SORCS3: variants seen among roughly 807,000 people sequenced by gnomAD.
SORCS3 encodes the protein sortilin related VPS10 domain containing receptor 3.
Under a neutral mutation model 146.3 loss-of-function variants are expected in SORCS3, and 57 were observed. That is an observed-to-expected ratio of 0.39 (90% CI 0.31 to 0.49). The LOEUF (loss-of-function observed/expected upper bound fraction) is 0.49. Ranked by LOEUF, SORCS3 falls within the 20% of genes least tolerant of loss-of-function variation. The pLI is 0.92. For missense variants in SORCS3, 1,341 were observed against 1,575.5 expected, an observed-to-expected ratio of 0.85 and a Z score of 2.52; for synonymous variants, 653 against 618.5, an observed-to-expected ratio of 1.06 and a Z score of -0.83.
intron 20 of SORCS3, among the ~76,000 whole-genome samples, chr10:105,238,508 T>C (rs1053474208): frequency 6.6e-6 from 1 of 152,004 alleles, no homozygotes; most frequent in African/African-American, 2.4e-5. Flanking sequence ...GAGAGGGATT[T>C]TTGTGTGGAG....
At chr10:104,845,537 G>A (rs182052185) in intron 2 of SORCS3, among the ~76,000 whole-genome samples, 130 of 152,310 alleles carry the variant, frequency 8.5e-4, no homozygotes, top group African/African-American at 2.5e-3. Flanking sequence ...TGTTTGGATA[G>A]CATTTTCATT....
intron 1 of SORCS3, among the ~76,000 whole-genome samples, chr10:104,676,196 A>G (rs1006182426): frequency 3.4e-4 from 52 of 152,054 alleles, no homozygotes; most frequent in African/African-American, 1.1e-3. Flanking sequence ...TATACCTTTT[A>G]TTTCATTTTC....
chr10:104,779,733 T>TC (rs2017351278), intron 1 of SORCS3, among the ~76,000 whole-genome samples: 1 of 152,084 alleles, frequency 6.6e-6, no homozygotes, highest in East Asian at 1.9e-4. Context: ...CTGCTGCTGA[T>TC]CAACATATTC....
At chr10:104,682,400 C>T (rs1394850639) in intron 1 of SORCS3, among the ~76,000 whole-genome samples, 2 of 152,224 alleles carry the variant, frequency 1.3e-5, no homozygotes, top group African/African-American at 4.8e-5. Context: ...GGCTTTGGCT[C>T]CCTTTCCTGT....
intron 1 of SORCS3, 95 bp downstream of exon 1, chr10:104,642,049 G>A (rs555918789): frequency 1.2e-5 from 16 of 1,383,638 alleles, no homozygotes; most frequent in Non-Finnish European, 1.5e-5. Flanking sequence ...TTGCTCGGGG[G>A]TCGAGGCGGG....
chr10:104,793,950 T>C (rs1004204247), intron 1 of SORCS3, among the ~76,000 whole-genome samples: 1 of 152,118 alleles, frequency 6.6e-6, no homozygotes, highest in Non-Finnish European at 1.5e-5. Context: ...TAAAATGGAA[T>C]TTCGGGAATG....
chr10:105,004,121 G>C (rs1373609563), intron 4 of SORCS3, among the ~76,000 whole-genome samples: 1 of 151,808 alleles, frequency 6.6e-6, no homozygotes, highest in Non-Finnish European at 1.5e-5. Flanking sequence ...ACTGTGGGTG[G>C]CTATAAAATC....
At chr10:105,102,536 A>G (rs1337896109) in intron 6 of SORCS3, among the ~76,000 whole-genome samples, 1 of 152,178 alleles carries the variant, frequency 6.6e-6, no homozygotes, top group African/African-American at 2.4e-5. Context: ...TTTTGAGGGA[A>G]GAGGTTGGGA....
intron 8 of SORCS3, among the ~76,000 whole-genome samples, chr10:105,147,065 G>A (rs535320739): frequency 6.6e-6 from 1 of 151,996 alleles, no homozygotes; most frequent in Non-Finnish European, 1.5e-5. Flanking sequence ...ATATTACACA[G>A]AATTCCACTG....
intron 4 of SORCS3, among the ~76,000 whole-genome samples, chr10:105,017,163 A>G (rs1444193920): frequency 6.6e-6 from 1 of 150,860 alleles, no homozygotes; most frequent in East Asian, 1.9e-4. Context: ...TTTTTGAGGG[A>G]ACCGTCTGCT....
chr10:104,749,358 G>A (rs2016956721), intron 1 of SORCS3, among the ~76,000 whole-genome samples: 1 of 151,918 alleles, frequency 6.6e-6, no homozygotes, highest in Admixed American at 6.6e-5. Flanking sequence ...CTTTGAACAT[G>A]ATTGTGACTT....
chr10:105,073,862 C>T (rs2055572883), intron 5 of SORCS3, among the ~76,000 whole-genome samples: 1 of 152,074 alleles, frequency 6.6e-6, no homozygotes, highest in African/African-American at 2.4e-5. Flanking sequence ...TTCTTTCCCT[C>T]AGTGTTTTGT....
intron 4 of SORCS3, among the ~76,000 whole-genome samples, chr10:105,037,581 G>A (rs925738379): frequency 6.6e-5 from 10 of 152,220 alleles, no homozygotes; most frequent in Middle Eastern, 6.8e-3. Flanking sequence ...TTCTCATGGA[G>A]TTCTCCTTAT....
chr10:104,945,116 G>A (rs138972772), intron 3 of SORCS3, among the ~76,000 whole-genome samples: 119 of 152,212 alleles, frequency 7.8e-4, no homozygotes, highest in African/African-American at 2.5e-3. Context: ...AATACATATC[G>A]TATGACCCCG....
chr10:105,202,764 A>C (rs773194974), intron 16 of SORCS3, among the ~76,000 whole-genome samples: 1 of 152,136 alleles, frequency 6.6e-6, no homozygotes, highest in East Asian at 1.9e-4. Flanking sequence ...AATCTCCCCA[A>C]TTCTGGGAAT....
chr10:104,723,405 G>A (rs1304723108), intron 1 of SORCS3, among the ~76,000 whole-genome samples: 1 of 152,090 alleles, frequency 6.6e-6, no homozygotes, highest in Non-Finnish European at 1.5e-5. Context: ...CCCACTATGT[G>A]GTCAATTTTG....
At position 104,643,738 on chromosome 10, in the gene SORCS3, G is replaced by GTGTGTGTGTGTGTGTT. The variant is rs1237706167; in HGVS notation, c.627+1791_627+1792insGTGTGTGTTTGTGTGT. 4.0e-3 allele frequency among the ~76,000 whole-genome samples: 611 copies of GTGTGTGTGTGTGTGTT among 151,728 alleles called. 3 individuals carry two copies. Among genetic ancestry groups the GTGTGTGTGTGTGTGTT allele is most frequent in the African/African-American group, 0.014 (566 of 41,146 alleles). On this transcript the variant is annotated intron_variant, in intron 1 of 26. Coordinates refer to ENST00000369701, the MANE Select transcript of SORCS3 (RefSeq NM_014978.3). ...TGTGTGTGTGTGTGTGTGTGTGTGT[G>GTGTGTGTGTGTGTGTT]TGTGTGTTGGGGTTCTTACTTGGTG...
Position 105,001,737 on chromosome 10 carries a change from C to A in SORCS3, c.954+24244C>A, listed in dbSNP as rs778168799. ...AAGAAGCAGTTTCGCTAACTCTAGC[C>A]TTGAAAGCAGAGGTGGAACATTCTT... On this transcript the variant is annotated intron_variant, in intron 4 of 26. Transcript: ENST00000369701. Among the ~76,000 whole-genome samples, 593 of 152,260 alleles carry A rather than the reference C, an allele frequency of 3.9e-3. 5 individuals are homozygous for A. The highest frequency in any genetic ancestry group is 6.1e-3 in the Non-Finnish European group (418 of 68,024).
chr10:104,724,940 A>G (rs2016605685), intron 1 of SORCS3, among the ~76,000 whole-genome samples: 1 of 152,054 alleles, frequency 6.6e-6, no homozygotes, highest in East Asian at 1.9e-4. Context: ...TTTAGCTCGG[A>G]GTAGTTTGAT....
Sources: gnomAD v4.1 joint callset for allele counts (sites outside exome capture counted in the v4.1 genomes callset) on GRCh38, gnomAD v4.1.1 for gene constraint, MANE v1.5 for transcripts, NCBI Gene and HGNC (gene_info 2026-07-23, HGNC 2026-07-21) for gene names.